Variants in SHROOM2 observed in about 807,000 individuals in gnomAD.
The protein encoded by SHROOM2 is protein Shroom2.
A neutral mutation model predicts 75.9 loss-of-function variants in SHROOM2; 33 were observed. That is an observed-to-expected ratio of 0.43 (90% CI 0.33 to 0.58). The LOEUF (loss-of-function observed/expected upper bound fraction) is 0.58. Among genes scored for constraint, SHROOM2 ranks in the 20% least tolerant of loss-of-function variants. The pLI is 0.04. For synonymous variants in SHROOM2, 655 were observed against 663.6 expected (o/e 0.99, Z 0.20); for missense variants, 1,434 against 1,461.2 (o/e 0.98, Z 0.30).
chrX:9,880,786 C>T (rs1054597274), intron 2 of SHROOM2, among the ~76,000 whole-genome samples: 1 of 111,659 alleles, frequency 9.0e-6, no homozygotes, highest in Non-Finnish European at 1.9e-5. Flanking sequence ...AAAGAAAATG[C>T]TCCATAATGA....
Position 9,916,843 on chromosome X carries a change from G to C in SHROOM2, c.2892-15332G>C, listed in dbSNP as rs755359438. On this transcript the variant is annotated intron_variant, in intron 5 of 9. Transcript: ENST00000380913. ...ATAACATCCCTACCGTGTGCTGTGT[G>C]CCTTCCAGATGTTAGTGGGTGGTTA... is the stretch of plus-strand genomic sequence containing the variant. 2.7e-5 allele frequency among the ~76,000 whole-genome samples: 3 copies of C among 111,957 alleles called. No homozygotes were observed. In the East Asian group the frequency reaches 8.4e-4, roughly 31 times the overall value.
Position 9,903,014 on chromosome X carries a change from T to C in SHROOM2, c.2891+4724T>C, listed in dbSNP as rs900043179. Among the ~76,000 whole-genome samples the C allele has an allele frequency of 7.1e-5, 8 of 112,183 alleles. No individual in the cohort carries two copies. The Admixed American group carries it at 7.6e-4, about 11-fold the overall frequency. On this transcript the variant is annotated intron_variant, in intron 5 of 9. Coordinates refer to ENST00000380913, the MANE Select transcript of SHROOM2 (RefSeq NM_001649.4). ...TGAATGCATACGAAATAGAGCTCTT[T>C]AGGGAAAAATTTGCTTTCATATAAT...
At chrX:9,925,965 T>C (rs958565534) in intron 5 of SHROOM2, among the ~76,000 whole-genome samples, 1 of 110,579 alleles carries the variant, frequency 9.0e-6, no homozygotes, top group African/African-American at 3.3e-5. Context: ...TGTTGCATGG[T>C]GTTATGCTTT....
intron 1 of SHROOM2, among the ~76,000 whole-genome samples, chrX:9,868,519 C>G (rs954925544): frequency 9.1e-6 from 1 of 109,447 alleles, no homozygotes; most frequent in East Asian, 2.9e-4. Flanking sequence ...GCTGGGATTA[C>G]AAGCGTGAGC....
chrX:9,878,210 AC>A (rs967432925), intron 2 of SHROOM2, among the ~76,000 whole-genome samples: 2 of 111,523 alleles, frequency 1.8e-5, no homozygotes, highest in Non-Finnish European at 3.8e-5. Context: ...CTTGTCACAG[AC>A]CCCACTCTGG....
chrX:9,844,062 G>C (rs1012686581), intron 1 of SHROOM2, among the ~76,000 whole-genome samples: 10 of 112,588 alleles, frequency 8.9e-5, no homozygotes, highest in Admixed American at 3.8e-4. Flanking sequence ...TTCTGAAAGT[G>C]TTTAGGCAGA....
intron 1 of SHROOM2, among the ~76,000 whole-genome samples, chrX:9,805,915 A>AC (rs1237170090): frequency 3.0e-5 from 3 of 100,624 alleles, no homozygotes; most frequent in African/African-American, 1.4e-4. Flanking sequence ...AAAAAAAAAA[A>AC]AAAACAAAAA....
chrX:9,797,026 C>G (rs143285859), intron 1 of SHROOM2, among the ~76,000 whole-genome samples: 18 of 112,142 alleles, frequency 1.6e-4, no homozygotes, highest in African/African-American at 5.8e-4. Flanking sequence ...TGACAAGACT[C>G]TATTTCTTCA....
At chrX:9,803,065 A>G (rs2146732140) in intron 1 of SHROOM2, among the ~76,000 whole-genome samples, 1 of 107,118 alleles carries the variant, frequency 9.3e-6, no homozygotes, top group South Asian at 4.2e-4. Context: ...AGTAGCTGGG[A>G]CCACAGGCAC....
At chrX:9,901,443 A>G (rs2084365091) in intron 5 of SHROOM2, among the ~76,000 whole-genome samples, 3 of 111,601 alleles carry the variant, frequency 2.7e-5, no homozygotes, top group Admixed American at 1.9e-4. Context: ...GTGTCATCCT[A>G]CCCTTGAGCT....
chrX:9,932,381 G>A lies in SHROOM2; in HGVS notation c.3098G>A (p.Arg1033Gln), dbSNP rs2084657333. ...EESTPADLGP[R>Q]AQSPGSPLHA... ...AGCACCCCAGCAGACTTGGGACCCCGAGCCCAGAGCCCTGGCTCACCCCTG... is the reference window on the plus strand; with the variant it reads ...AGCACCCCAGCAGACTTGGGACCCCAAGCCCAGAGCCCTGGCTCACCCCTG... Residue 1033 changes from arginine (R) to glutamine (Q), a missense_variant, in exon 6 of 10, where the codon CGA (arginine) becomes CAA (glutamine). Physicochemically the swap from Arg to Gln is conservative, Grantham distance 43. This residue lies in a region of SHROOM2 where 1,340 missense variants were observed against 1,338.3 expected (regional missense o/e 1.00). Transcript: ENST00000380913. 3.3e-6 allele frequency: 4 copies of A among 1,208,424 alleles called. No individual in the cohort carries two copies. Among genetic ancestry groups the A allele is most frequent in the Middle Eastern group, 2.3e-4 (1 of 4,348 alleles).
At chrX:9,829,395 T>C (rs1412199391) in intron 1 of SHROOM2, among the ~76,000 whole-genome samples, 1 of 112,097 alleles carries the variant, frequency 8.9e-6, no homozygotes, top group African/African-American at 3.2e-5. Flanking sequence ...GAGACCCCAC[T>C]TTTCCAGTGC....
intron 1 of SHROOM2, among the ~76,000 whole-genome samples, chrX:9,794,451 C>T (rs770991046): frequency 1.3e-4 from 15 of 111,423 alleles, no homozygotes; most frequent in Non-Finnish European, 2.6e-4. Flanking sequence ...CTCACTGCAA[C>T]CTCCGCCTCC....
intron 1 of SHROOM2, among the ~76,000 whole-genome samples, chrX:9,838,922 C>T (rs1185512279): frequency 9.0e-6 from 1 of 111,425 alleles, no homozygotes; most frequent in Non-Finnish European, 1.9e-5. Flanking sequence ...TCGTGGTTGC[C>T]TGGGGCTGTG....
chrX:9,814,602 GC>G, intron 1 of SHROOM2, among the ~76,000 whole-genome samples: 1 of 111,210 alleles, frequency 9.0e-6, no homozygotes, highest in Non-Finnish European at 1.9e-5. Flanking sequence ...CTCAGGGGAG[GC>G]CATCACTGTT....
chrX:9,811,302 A>G (rs2083790319), intron 1 of SHROOM2, among the ~76,000 whole-genome samples: 1 of 111,300 alleles, frequency 9.0e-6, no homozygotes, highest in Non-Finnish European at 1.9e-5. Context: ...TCCATGTGTA[A>G]CCTCCGTCCC....
intron 1 of SHROOM2, among the ~76,000 whole-genome samples, chrX:9,792,078 AT>A (rs1569133066): frequency 6.7e-4 from 7 of 10,479 alleles, no homozygotes; most frequent in Admixed American, 1.9e-3. Context: ...ATAGAATAGA[AT>A]AGAATAGAAT....
intron 1 of SHROOM2, among the ~76,000 whole-genome samples, chrX:9,831,613 G>A (rs1241042821): frequency 4.4e-5 from 5 of 112,409 alleles, no homozygotes; most frequent in African/African-American, 1.6e-4. Context: ...AGCTGAGATC[G>A]TGCCATTGCA....
intron 5 of SHROOM2, among the ~76,000 whole-genome samples, chrX:9,909,486 A>G (rs935680402): frequency 8.9e-5 from 10 of 112,632 alleles, no homozygotes; most frequent in East Asian, 2.8e-4. Context: ...ACAGTGTGGC[A>G]AAGGGGACCG....
Sources: allele counts gnomAD v4.1 joint callset (sites outside exome capture counted in the v4.1 genomes callset), GRCh38; gene constraint gnomAD v4.1.1; regional missense constraint gnomAD v4.1.1; transcripts MANE v1.5; gene names NCBI Gene and HGNC (gene_info 2026-07-23, HGNC 2026-07-21).